ATP8A2: variants seen among roughly 807,000 people sequenced by gnomAD.
ATP8A2 encodes ATPase phospholipid transporting 8A2.
In ATP8A2, 100 loss-of-function variants were observed where a neutral mutation model predicts 165.6. That is an observed-to-expected ratio of 0.60 (90% CI 0.51 to 0.71). ATP8A2 has a LOEUF of 0.71. Ranked by LOEUF, ATP8A2 falls within the 30% of genes least tolerant of loss-of-function variation. The probability of loss-of-function intolerance (pLI) is 0.00; values close to 1 mark genes in which losing one functional copy is unlikely to be tolerated. For synonymous variants in ATP8A2, 543 were observed against 548.8 expected (o/e 0.99, Z 0.15); for missense variants, 1,227 against 1,479.5 (o/e 0.83, Z 2.80).
At chr13:25,714,123 A>G (rs1028091592) in intron 25 of ATP8A2, among the ~76,000 whole-genome samples, 3 of 151,348 alleles carry the variant, frequency 2.0e-5, no homozygotes, top group African/African-American at 7.3e-5. Context: ...TAAAAGAAAG[A>G]AAGGAAGGAA....
chr13:25,804,721 C>T (rs1460233117), intron 27 of ATP8A2, among the ~76,000 whole-genome samples: 1 of 152,088 alleles, frequency 6.6e-6, no homozygotes, highest in Non-Finnish European at 1.5e-5. Flanking sequence ...ACACTCTGAA[C>T]CCCGTGCATT....
Position 25,860,259 on chromosome 13 carries a change from A to T in ATP8A2, c.3018+3A>T. 6.2e-7 allele frequency: 1 copy of T among 1,602,348 alleles called. No individual in the cohort carries two copies. Among genetic ancestry groups the T allele is most frequent in the Non-Finnish European group, 8.5e-7 (1 of 1,169,890 alleles). On this transcript the variant is annotated splice_donor_region_variant and intron_variant, in intron 31 of 36. Coordinates refer to ENST00000381655, the MANE Select transcript of ATP8A2 (RefSeq NM_016529.6). ...TTGTTGGAAATATTGTTTACACAGT[A>T]AGTTTATCTCTGTTTATTAAGCCAT... is the stretch of plus-strand genomic sequence containing the variant.
chr13:25,866,861 G>T (rs554450525), intron 33 of ATP8A2, among the ~76,000 whole-genome samples: 1 of 152,320 alleles, frequency 6.6e-6, no homozygotes, highest in East Asian at 1.9e-4. Flanking sequence ...AGATACAGCT[G>T]AGTGATTGCT....
chr13:26,009,420 T>A (rs978322641), intron 35 of ATP8A2, among the ~76,000 whole-genome samples: 1 of 152,184 alleles, frequency 6.6e-6, no homozygotes, highest in African/African-American at 2.4e-5. Flanking sequence ...ACTGAGGGCA[T>A]CTGCGCACGT....
chr13:25,547,155 A>AT (rs1328020148), intron 10 of ATP8A2, among the ~76,000 whole-genome samples: 1 of 151,660 alleles, frequency 6.6e-6, no homozygotes, highest in African/African-American at 2.4e-5. Context: ...ATAAATAAAA[A>AT]TAAAAAATAA....
At position 25,769,157 on chromosome 13, in the gene ATP8A2, C is replaced by T; in HGVS notation, c.2496C>T (p.Ala832=). The T allele has an allele frequency of 1.2e-6, 2 of 1,614,076 alleles. No individual in the cohort carries two copies. Residue 832 remains alanine, a synonymous_variant, in exon 26 of 37, where the codon GCC becomes GCT. Coordinates refer to ENST00000381655, the MANE Select transcript of ATP8A2 (RefSeq NM_016529.6). ...GANDVGMIQT[A]HVGVGISGNE... is the part of the protein sequence containing the mutation. ...ACGATGTCGGGATGATCCAGACAGC[C>T]CACGTGGGTGTGGGAATCAGTGGGA...
chr13:25,588,226 G>A lies in ATP8A2; in HGVS notation c.2147-1409G>A, dbSNP rs573472433. ...TGCTTTACAAAATGTTCTACATGGCGGTCCTTAGGAAGGATGTACTTTCTG... is the reference window on the plus strand; with the variant it reads ...TGCTTTACAAAATGTTCTACATGGCAGTCCTTAGGAAGGATGTACTTTCTG... On this transcript the variant is annotated intron_variant, in intron 23 of 36. Transcript: ENST00000381655. Among the ~76,000 whole-genome samples, 47 of 152,100 alleles carry A rather than the reference G, an allele frequency of 3.1e-4. 1 individual carries two copies. Among genetic ancestry groups the A allele is most frequent in the African/African-American group, 9.9e-4 (41 of 41,466 alleles).
intron 24 of ATP8A2, among the ~76,000 whole-genome samples, chr13:25,661,237 T>A: frequency 6.6e-6 from 1 of 152,216 alleles, no homozygotes; most frequent in East Asian, 1.9e-4. Flanking sequence ...AGGAACCATC[T>A]GTTCTACTAC....
intron 25 of ATP8A2, among the ~76,000 whole-genome samples, chr13:25,754,079 C>T (rs1027874968): frequency 5.3e-5 from 8 of 152,348 alleles, no homozygotes; most frequent in Middle Eastern, 3.4e-3. Context: ...CACTGCGTAA[C>T]GCCTTGGAGG....
intron 25 of ATP8A2, among the ~76,000 whole-genome samples, chr13:25,766,799 G>A (rs532086727): frequency 6.4e-4 from 98 of 152,318 alleles, no homozygotes; most frequent in African/African-American, 2.3e-3. Flanking sequence ...TTACTCAGAG[G>A]TGTCCAGTCT....
At chr13:25,654,177 G>T (rs1320537039) in intron 24 of ATP8A2, among the ~76,000 whole-genome samples, 7 of 151,914 alleles carry the variant, frequency 4.6e-5, no homozygotes, top group African/African-American at 1.7e-4. Context: ...TTCTAAGGAC[G>T]GTAGCAGAGT....
chr13:25,710,110 AT>A (rs1257031870), intron 25 of ATP8A2, among the ~76,000 whole-genome samples: 2 of 151,698 alleles, frequency 1.3e-5, no homozygotes, highest in African/African-American at 4.8e-5. Context: ...GGAGACTTTT[AT>A]TTTTTTTAAT....
At chr13:25,570,424 CGTGGGCAAATGGAAGCAT>C (rs2039432528) in intron 16 of ATP8A2, among the ~76,000 whole-genome samples, 2 of 152,072 alleles carry the variant, frequency 1.3e-5, no homozygotes, top group Non-Finnish European at 2.9e-5. Flanking sequence ...GGCGGAAGCA[CGTGGGCAAATGGAAGCAT>C]GTGGGCAAGG....
At chr13:25,986,200 A>C (rs1448889718) in intron 35 of ATP8A2, among the ~76,000 whole-genome samples, 1 of 152,228 alleles carries the variant, frequency 6.6e-6, no homozygotes, top group Non-Finnish European at 1.5e-5. Context: ...ATCACTTCAC[A>C]GTTACCCTTG....
chr13:25,993,557 T>C (rs972347247), intron 35 of ATP8A2, among the ~76,000 whole-genome samples: 1 of 152,218 alleles, frequency 6.6e-6, no homozygotes, highest in Non-Finnish European at 1.5e-5. Flanking sequence ...ATCAAAGTTC[T>C]TTTTTTCTGT....
Position 25,730,566 on chromosome 13 carries a change from G to A in ATP8A2, c.2384+31221G>A, listed in dbSNP as rs570697088. Among the ~76,000 whole-genome samples, 14 of 152,290 alleles carry A rather than the reference G, an allele frequency of 9.2e-5. 1 individual carries two copies. The highest frequency in any genetic ancestry group is 3.3e-4 in the Admixed American group (5 of 15,300). ...GGCATGATATCTGTCACACTCACAA[G>A]TAGTATCCATTGCTGATTTCTCTTT... On this transcript the variant is annotated intron_variant, in intron 25 of 36. Transcript: ENST00000381655.
At chr13:25,843,218 G>T (rs1951785163) in intron 30 of ATP8A2, among the ~76,000 whole-genome samples, 1 of 152,250 alleles carries the variant, frequency 6.6e-6, no homozygotes, top group Middle Eastern at 3.4e-3. Context: ...GACCTTGCAG[G>T]TGCACAGGAC....
rs146265234 is a variant in ATP8A2, at chr13:25,510,725, T to C, written c.222-19274T>C. On this transcript the variant is annotated intron_variant, in intron 2 of 36. Transcript: ENST00000381655. ...TGAGTAGTTACTAGCTCTTTTGTGG[T>C]GGAAGCAGTATAGAAACAAACTGGG... Among the ~76,000 whole-genome samples, 350 of 152,332 alleles carry C rather than the reference T, an allele frequency of 2.3e-3. 3 individuals carry two copies. The highest frequency in any genetic ancestry group is 7.3e-3 in the African/African-American group (302 of 41,576).
At chr13:25,535,956 A>G (rs1459381787) in intron 6 of ATP8A2, among the ~76,000 whole-genome samples, 1 of 152,192 alleles carries the variant, frequency 6.6e-6, no homozygotes, top group Admixed American at 6.5e-5. Flanking sequence ...AGAGAAAGCC[A>G]TAATTTCTCT....
Sources: gnomAD v4.1 joint callset for allele counts (sites outside exome capture counted in the v4.1 genomes callset) on GRCh38, gnomAD v4.1.1 for gene constraint, MANE v1.5 for transcripts, NCBI Gene and HGNC (gene_info 2026-07-23, HGNC 2026-07-21) for gene names.